Variants in SPAG5 observed in about 807,000 individuals in gnomAD.
SPAG5 encodes sperm-associated antigen 5.
SPAG5 carries 99 observed loss-of-function variants against 145.4 expected under a neutral mutation model. The ratio of observed to expected loss-of-function variants is 0.68; its 90% confidence interval spans 0.58 to 0.80. The LOEUF (loss-of-function observed/expected upper bound fraction) is 0.80, where lower values mean the gene tolerates loss of function less well. SPAG5 is among the 30% of genes least tolerant of loss of function. The pLI, the probability that SPAG5 is intolerant of heterozygous loss-of-function variation, is 0.00. For missense variants in SPAG5, 1,192 were observed against 1,416.0 expected (o/e 0.84, Z 2.54); for synonymous variants, 477 against 525.4 (o/e 0.91, Z 1.26).
chr17:28,579,092 T>G, intron 19 of SPAG5, 49 bp downstream of exon 19: 1 of 1,452,956 alleles, frequency 6.9e-7, no homozygotes, highest in African/African-American at 1.4e-5. Context: ...AGTGGGCCAG[T>G]AGAGCTGCCC....
chr17:28,595,508 G>A (rs887164648), intron 2 of SPAG5, among the ~76,000 whole-genome samples: 3 of 152,212 alleles, frequency 2.0e-5, no homozygotes, highest in Non-Finnish European at 4.4e-5. Flanking sequence ...AGCACTTTGG[G>A]AGGCCAAGGA....
At position 28,594,931 on chromosome 17, in the gene SPAG5, G is replaced by A. The variant is rs1312203582; in HGVS notation, c.178-1865C>T. 2.6e-5 allele frequency among the ~76,000 whole-genome samples: 4 copies of A among 151,692 alleles called. No homozygotes were observed. In the East Asian group the frequency reaches 7.7e-4, roughly 29 times the overall value. On this transcript the variant is annotated intron_variant, in intron 2 of 23. Coordinates refer to ENST00000321765, the MANE Select transcript of SPAG5 (RefSeq NM_006461.4). ...GCCAAGATCACACCACTGCACTCTA[G>A]CCTGGGTAACAGAGCAAGACCCTGT...
In SPAG5 at chr17:28,598,413, T is replaced by C. The variant is rs768169501; in HGVS notation, c.177+97A>G. The C allele has an allele frequency of 6.2e-4, 869 of 1,405,584 alleles. 1 individual carries two copies. The highest frequency in any genetic ancestry group is 8.0e-4 in the Non-Finnish European group (841 of 1,046,930). 87.1% of individuals were successfully genotyped at this position (1,405,584 alleles called of 1,614,324 possible). Reference sequence around the variant, plus strand: ...GATGTCACCGACGTAGAAGACTTCATTATCGTTATTAATTATTGTAGCCCT... The same window carrying C: ...GATGTCACCGACGTAGAAGACTTCACTATCGTTATTAATTATTGTAGCCCT... On this transcript the variant is annotated intron_variant, in intron 2 of 23. Transcript: ENST00000321765.
chr17:28,577,728 G>GTT lies in SPAG5; in HGVS notation c.3551_3552dup (p.Leu1185AsnfsTer9), dbSNP rs2070514874. Reference sequence around the variant, plus strand: ...CTCAGAAATTCCAGCAATCCCTGTAGTTCTTTGCATCCCCTCACCACCTCT... The same window carrying GTT: ...CTCAGAAATTCCAGCAATCCCTGTAGTTTTCTTTGCATCCCCTCACCACCTCT... On this transcript the variant is annotated frameshift_variant, in exon 24 of 24. Transcript: ENST00000321765. LOFTEE classifies it high-confidence loss of function. 6.2e-7 allele frequency: 1 copy of GTT among 1,613,898 alleles called. No homozygotes were observed. Among genetic ancestry groups the GTT allele is most frequent in the Non-Finnish European group, 8.5e-7 (1 of 1,179,876 alleles).
At position 28,591,691 on chromosome 17, in the gene SPAG5, T is replaced by C. The variant is rs566001273; in HGVS notation, c.1437+7A>G. 5.0e-6 allele frequency: 8 copies of C among 1,600,310 alleles called. No individual in the cohort carries two copies. In the African/African-American group the frequency reaches 5.4e-5, roughly 11 times the overall value. On this transcript the variant is annotated splice_region_variant and intron_variant, in intron 4 of 23. Transcript: ENST00000321765. ...GATCCCTCAAGCTTTGAGAGGAACC[T>C]TCTTACCCCACTGTGAGATGTGTCA...
Position 28,583,642 on chromosome 17 carries a change from G to C in SPAG5, c.2554C>G (p.Leu852Val), listed in dbSNP as rs1172412105. 6.3e-7 allele frequency: 1 copy of C among 1,599,936 alleles called. No homozygotes were observed. The highest frequency in any genetic ancestry group is 2.2e-5 in the East Asian group (1 of 44,820). ...KDTVENLTAKLASTIADNQEQ... is the reference protein window; with the variant it reads ...KDTVENLTAKVASTIADNQEQ... ...TGGTTATCTGCTATGGTGCTGGCCAGTTTAGCCCTGAAATAAGGAACAGGG... is the reference window on the plus strand; with the variant it reads ...TGGTTATCTGCTATGGTGCTGGCCACTTTAGCCCTGAAATAAGGAACAGGG... The change falls in exon 15 of 24, where the codon CTG becomes GTG. Residue 852 changes from leucine (L) to valine (V), a missense_variant. This residue lies in a region of SPAG5 where 709 missense variants were observed against 840.7 expected (regional missense o/e 0.84). Transcript: ENST00000321765.
intron 16 of SPAG5, 50 bp downstream of exon 16, chr17:28,579,959 T>C (rs1340183957): frequency 1.3e-6 from 2 of 1,542,206 alleles, no homozygotes; most frequent in African/African-American, 1.4e-5. Flanking sequence ...GCAGAAGATA[T>C]CAGGAGCAGC....
rs1448835884 is a variant in SPAG5 at position 28,584,716 on chromosome 17, G to A, written c.2097C>T (p.Ala699=). The part of the protein sequence containing the change: ...EVSRVLEQVS[A]QLEECKGQTE... ...TTTGGCCTTTGCACTCCTCTAACTGGGCAGAGACTTGTTCCAGCACCCTAG... is the reference window on the plus strand; with the variant it reads ...TTTGGCCTTTGCACTCCTCTAACTGAGCAGAGACTTGTTCCAGCACCCTAG... The change falls in exon 11 of 24, where the codon GCC becomes GCT. Residue 699 remains alanine, a synonymous_variant. Transcript: ENST00000321765. The A allele has an allele frequency of 1.2e-6, 2 of 1,613,976 alleles. No homozygotes were observed. The highest frequency in any genetic ancestry group is 1.7e-6 in the Non-Finnish European group (2 of 1,179,956).
At chr17:28,586,914 TTTTA>T (rs2070588886) in intron 4 of SPAG5, among the ~76,000 whole-genome samples, 1 of 152,100 alleles carries the variant, frequency 6.6e-6, no homozygotes, top group Admixed American at 6.6e-5. Flanking sequence ...GCCTTTCCTA[TTTTA>T]TTTATTTTTT....
Position 28,598,509 on chromosome 17 carries a change from C to T in SPAG5, c.177+1G>A, listed in dbSNP as rs1396418046. The T allele has an allele frequency of 6.2e-7, 1 of 1,613,216 alleles. No homozygotes were observed. Among genetic ancestry groups the T allele is most frequent in the Admixed American group, 1.7e-5 (1 of 59,944 alleles). On this transcript the variant is annotated splice_donor_variant, in intron 2 of 23. Coordinates refer to ENST00000321765, the MANE Select transcript of SPAG5 (RefSeq NM_006461.4). LOFTEE classifies it high-confidence loss of function. ...CGAGAAGCTGTCCAGGCGAATCTCA[C>T]CTGCAGCCCCAGCTTGCACAGTGAT... is the stretch of plus-strand genomic sequence containing the variant.
intron 17 of SPAG5, 104 bp from the exon 18 acceptor site, chr17:28,579,589 G>T: frequency 6.9e-7 from 1 of 1,441,290 alleles, no homozygotes; most frequent in Non-Finnish European, 9.6e-7. Flanking sequence ...CCACCCACAG[G>T]ATTTGAATGT....
At chr17:28,598,732 A>G in intron 1 of SPAG5, 97 bp from the exon 2 acceptor site, 2 of 1,536,448 alleles carry the variant, frequency 1.3e-6, no homozygotes, top group South Asian at 2.4e-5. Context: ...ATGCGATTAG[A>G]AGAGTACGCT....
intron 13 of SPAG5, 77 bp downstream of exon 13, chr17:28,584,073 C>T: frequency 6.2e-7 from 1 of 1,607,476 alleles, no homozygotes; most frequent in Non-Finnish European, 8.5e-7. Flanking sequence ...CAGTCTCAAA[C>T]CTTACCTCAA....
At position 28,585,995 on chromosome 17, in the gene SPAG5, G is replaced by A. The variant is rs746174146; in HGVS notation, c.1609C>T (p.Arg537Trp). The change falls in exon 7 of 24, where the codon CGG becomes TGG. Residue 537 changes from arginine to tryptophan, a missense_variant. By Grantham distance (101) the Arg-to-Trp change is moderately radical. Coordinates refer to ENST00000321765, the MANE Select transcript of SPAG5 (RefSeq NM_006461.4). ...EDKTTVSQESRRAETLVCCCF... is the reference protein window; with the variant it reads ...EDKTTVSQESWRAETLVCCCF... ...CAACAGACCAATGTTTCTGCACGCC[G>A]AGACTATATGGTAAGAATCAGTTAA... is the stretch of plus-strand genomic sequence containing the variant. The A allele has an allele frequency of 9.9e-6, 16 of 1,614,142 alleles. No homozygotes were observed. Among genetic ancestry groups the A allele is most frequent in the East Asian group, 6.7e-5 (3 of 44,880 alleles).
intron 2 of SPAG5, among the ~76,000 whole-genome samples, chr17:28,595,576 C>T (rs903650423): frequency 3.0e-4 from 45 of 151,578 alleles, no homozygotes; most frequent in East Asian, 5.8e-4. Context: ...GGTGAAACCC[C>T]GCCTCTACTA....
chr17:28,587,377 T>C (rs995994967), intron 4 of SPAG5, among the ~76,000 whole-genome samples: 1 of 151,760 alleles, frequency 6.6e-6, no homozygotes, highest in African/African-American at 2.4e-5. Flanking sequence ...AGAAACCCCA[T>C]GTCTACTAAA....
rs117114899 is a variant in SPAG5, at chr17:28,593,308, T to A, written c.178-242A>T. Among the ~76,000 whole-genome samples, 93 of 152,276 alleles carry A rather than the reference T, an allele frequency of 6.1e-4. No homozygotes were observed. The highest frequency in any genetic ancestry group is 3.4e-3 in the Middle Eastern group (1 of 294). The stretch of plus-strand genomic sequence containing the variant: ...ATTATAAACAGGCTGAGAATATAGA[T>A]CCATATCGTGGGCAGATGGTAGCTT... On this transcript the variant is annotated intron_variant, in intron 2 of 23. Transcript: ENST00000321765.
At chr17:28,596,394 G>A (rs987919853) in intron 2 of SPAG5, among the ~76,000 whole-genome samples, 3 of 152,096 alleles carry the variant, frequency 2.0e-5, no homozygotes, top group Admixed American at 6.5e-5. Context: ...CAGGCTGGGC[G>A]CCATAGCTCA....
chr17:28,598,618 T>G lies in SPAG5; in HGVS notation c.69A>C (p.Arg23Ser). Reference protein sequence around the residue: ...PSPQTGKPSMRTPLRELTLQP... With the variant: ...PSPQTGKPSMSTPLRELTLQP... The stretch of plus-strand genomic sequence containing the variant: ...GCAGGGTAAGTTCACGGAGAGGAGT[T>G]CTCATAGATGGTTTTCCCTGAGAAA... The change falls in exon 2 of 24, where the codon AGA becomes AGC. Residue 23 changes from arginine to serine, a missense_variant. Physicochemically the swap from Arg to Ser is moderately radical, Grantham distance 110. Coordinates refer to ENST00000321765, the MANE Select transcript of SPAG5 (RefSeq NM_006461.4). 6.2e-7 allele frequency: 1 copy of G among 1,605,490 alleles called. No homozygotes were observed. Among genetic ancestry groups the G allele is most frequent in the Non-Finnish European group, 8.5e-7 (1 of 1,175,578 alleles).
Sources: allele counts gnomAD v4.1 joint callset (sites outside exome capture counted in the v4.1 genomes callset), GRCh38; gene constraint gnomAD v4.1.1; regional missense constraint gnomAD v4.1.1; transcripts MANE v1.5; gene names NCBI Gene and HGNC (gene_info 2026-07-23, HGNC 2026-07-21).